LRP5: variants seen among roughly 807,000 people sequenced by gnomAD.
LRP5 encodes the protein LDL receptor related protein 5.
In LRP5, 62 loss-of-function variants were observed where a neutral mutation model predicts 154.1. That is an observed-to-expected ratio of 0.40 (90% CI 0.33 to 0.50). LRP5 has a LOEUF of 0.50. Among genes scored for constraint, LRP5 ranks in the 20% least tolerant of loss-of-function variants. The probability of loss-of-function intolerance (pLI) is 0.55; values close to 1 mark genes in which losing one functional copy is unlikely to be tolerated. For synonymous variants in LRP5, 966 were observed against 1,011.5 expected (o/e 0.96, Z 0.85); for missense variants, 1,915 against 2,336.7 (o/e 0.82, Z 3.72).
intron 4 of LRP5, 105 bp downstream of exon 4, chr11:68,364,048 T>TGG: frequency 9.3e-5 from 1 of 10,744 alleles, no homozygotes; most frequent in Admixed American, 1.1e-3. Flanking sequence ...TGCGCGGGCG[T>TGG]GGGTGGGGTG....
intron 21 of LRP5, among the ~76,000 whole-genome samples, chr11:68,443,581 ATATATTTTT>A (rs1346772873): frequency 7.1e-4 from 26 of 36,812 alleles, no homozygotes; most frequent in Non-Finnish European, 4.9e-5. Context: ...ATATATATAT[ATATATTTTT>A]TTTTTTTTTG....
chr11:68,382,237 G>A (rs914779281), intron 5 of LRP5, among the ~76,000 whole-genome samples: 7 of 152,348 alleles, frequency 4.6e-5, no homozygotes, highest in African/African-American at 7.2e-5. Flanking sequence ...AAGGGATGCC[G>A]AGAATAGGTT....
At chr11:68,438,400 C>A in intron 19 of LRP5, 46 bp from the exon 20 acceptor site, 1 of 1,544,408 alleles carries the variant, frequency 6.5e-7, no homozygotes, top group Non-Finnish European at 9.0e-7. Context: ...AGGGCCCATT[C>A]CGTTGGGGTT....
At chr11:68,307,843 GT>G (rs1415584032), upstream of LRP5, among the ~76,000 whole-genome samples, 1 of 152,182 alleles carries the variant, frequency 6.6e-6, no homozygotes, top group East Asian at 1.9e-4. Context: ...TAAAAGTAAG[GT>G]AGAAAGAGTA....
At chr11:68,426,319 C>T (rs1263903971) in intron 16 of LRP5, 132 bp downstream of exon 16, 13 of 729,256 alleles carry the variant, frequency 1.8e-5, no homozygotes, top group Non-Finnish European at 2.2e-5. Flanking sequence ...AACTGTTGCC[C>T]GCTGGGGTTC....
intron 5 of LRP5, among the ~76,000 whole-genome samples, chr11:68,383,475 G>C (rs2098641364): frequency 6.6e-6 from 1 of 152,202 alleles, no homozygotes; most frequent in African/African-American, 2.4e-5. Flanking sequence ...TGGAGTCTCT[G>C]GTCCCCTCCA....
intron 13 of LRP5, among the ~76,000 whole-genome samples, chr11:68,421,806 T>G (rs1166700506): frequency 1.4e-5 from 2 of 146,382 alleles, no homozygotes; most frequent in Admixed American, 6.8e-5. Flanking sequence ...GGTGTGTGTG[T>G]GTGTGTGCGC....
At position 68,386,643 on chromosome 11, in the gene LRP5, C is replaced by T; in HGVS notation, c.1343C>T (p.Thr448Ile). Residue 448 changes from threonine to isoleucine, a missense_variant, in exon 6 of 23, where the codon ACC becomes ATC. Transcript: ENST00000294304. This position sits in a 1 kb window ranked among gnomAD's most constrained non-coding sequence, Gnocchi z 7.9. ...DRIEVTRLNG[T>I]SRKILVSEDL... Reference sequence around the variant, plus strand: ...ATCGAGGTGACGCGCCTCAACGGCACCTCCCGCAAGATCCTGGTGTCGGAG... The same window carrying T: ...ATCGAGGTGACGCGCCTCAACGGCATCTCCCGCAAGATCCTGGTGTCGGAG... 1.2e-6 allele frequency: 2 copies of T among 1,613,596 alleles called. No homozygotes were observed. The highest frequency in any genetic ancestry group is 1.7e-6 in the Non-Finnish European group (2 of 1,179,934).
At chr11:68,324,973 C>G (rs2153115816) in intron 1 of LRP5, among the ~76,000 whole-genome samples, 1 of 152,322 alleles carries the variant, frequency 6.6e-6, no homozygotes. Context: ...GAGCCCTGCT[C>G]AGAGACCACC....
intron 6 of LRP5, among the ~76,000 whole-genome samples, chr11:68,389,545 T>C (rs868391518): frequency 1.5e-4 from 23 of 149,476 alleles, no homozygotes; most frequent in African/African-American, 5.7e-4. Flanking sequence ...CCAACACCGA[T>C]GTTTACCAAC....
At chr11:68,428,396 A>G (rs2098670053) in intron 16 of LRP5, among the ~76,000 whole-genome samples, 1 of 152,238 alleles carries the variant, frequency 6.6e-6, no homozygotes, top group East Asian at 1.9e-4. Context: ...GATTCCCCCA[A>G]TGTGCTGGAG....
chr11:68,381,526 G>C (rs1485726764), intron 5 of LRP5, among the ~76,000 whole-genome samples: 2 of 152,128 alleles, frequency 1.3e-5, no homozygotes, highest in Non-Finnish European at 2.9e-5. Context: ...GCTTGGCCTC[G>C]CGGAAGGGAT....
At position 68,387,650 on chromosome 11, in the gene LRP5, C is replaced by T. The variant is rs560881866; in HGVS notation, c.1412+938C>T. On this transcript the variant is annotated intron_variant, in intron 6 of 22. Transcript: ENST00000294304. ...TCGGTAGGGGAGACTTTCTGAGACC[C>T]GCCCCAGCGGCTCAGAGGGTAGTAG... Among the ~76,000 whole-genome samples, 7 of 152,326 alleles carry T rather than the reference C, an allele frequency of 4.6e-5. No individual in the cohort carries two copies. In the East Asian group the frequency reaches 5.8e-4, roughly 13 times the overall value.
intron 1 of LRP5, among the ~76,000 whole-genome samples, chr11:68,328,419 C>T (rs1204802662): frequency 5.3e-5 from 8 of 152,204 alleles, no homozygotes; most frequent in Non-Finnish European, 2.9e-5. Context: ...TTCTTTTCTG[C>T]CAGTTCTAAA....
chr11:68,349,475 C>T (rs1029038523), intron 2 of LRP5, among the ~76,000 whole-genome samples: 1 of 152,164 alleles, frequency 6.6e-6, no homozygotes, highest in East Asian at 1.9e-4. Flanking sequence ...GGAATTTGCA[C>T]CTTCTCCTGG....
intron 7 of LRP5, among the ~76,000 whole-genome samples, chr11:68,401,061 G>A (rs1045512385): frequency 2.0e-5 from 3 of 152,150 alleles, no homozygotes; most frequent in Admixed American, 6.5e-5. Context: ...GGGTTCGCCC[G>A]CTACTGTGAG....
rs1395621273 is a variant in LRP5 at position 68,409,051 on chromosome 11, G to GGAAAA, written c.2092-863_2092-862insGAAAA. 1.8e-3 allele frequency among the ~76,000 whole-genome samples: 94 copies of GGAAAA among 51,416 alleles called. 2 individuals carry two copies. Among genetic ancestry groups the GGAAAA allele is most frequent in the African/African-American group, 2.5e-3 (28 of 11,008 alleles). 33.7% of individuals were successfully genotyped at this position (51,416 alleles called of 152,430 possible). A position where few individuals can be genotyped will look rare whatever the true frequency, so the allele number is the denominator to read the frequency against. On this transcript the variant is annotated intron_variant, in intron 9 of 22. Coordinates refer to ENST00000294304, the MANE Select transcript of LRP5 (RefSeq NM_002335.4). ...AGCGACAGAGCAAGACTTATCTGGG[G>GGAAAA]AAAAAAAAAAAAAAAAAAAAAAATA...
At chr11:68,373,945 C>A (rs1171878137) in intron 5 of LRP5, among the ~76,000 whole-genome samples, 1 of 152,120 alleles carries the variant, frequency 6.6e-6, no homozygotes, top group African/African-American at 2.4e-5. Context: ...TCGGGCCACA[C>A]GTGCCCTGGC....
At chr11:68,428,335 G>A (rs776961464) in intron 16 of LRP5, among the ~76,000 whole-genome samples, 4 of 151,976 alleles carry the variant, frequency 2.6e-5, no homozygotes, top group East Asian at 1.9e-4. Context: ...AGTGTCCCAC[G>A]GCTGCTGTAA....
Sources: gnomAD v4.1 joint callset for allele counts (sites outside exome capture counted in the v4.1 genomes callset) on GRCh38, gnomAD v4.1.1 for gene constraint, Gnocchi (gnomAD v3.1) non-coding constraint, MANE v1.5 for transcripts, NCBI Gene and HGNC (gene_info 2026-07-23, HGNC 2026-07-21) for gene names.